ARHGAP6: variants seen among roughly 807,000 people sequenced by gnomAD.
ARHGAP6 encodes Rho GTPase activating protein 6.
ARHGAP6 carries 16 observed loss-of-function variants against 55.7 expected under a neutral mutation model. That is an observed-to-expected ratio of 0.29 (90% CI 0.19 to 0.44). The LOEUF (loss-of-function observed/expected upper bound fraction) is 0.44, where lower values mean the gene tolerates loss of function less well. Among genes scored for constraint, ARHGAP6 ranks in the 20% least tolerant of loss-of-function variants. ARHGAP6 has a pLI of 1.00. For missense variants in ARHGAP6, 698 were observed against 808.9 expected, an observed-to-expected ratio of 0.86 and a Z score of 1.66; for synonymous variants, 382 against 360.9, an observed-to-expected ratio of 1.06 and a Z score of -0.66.
intron 10 of ARHGAP6, among the ~76,000 whole-genome samples, chrX:11,147,684 T>A (rs749952830): frequency 0.023 from 2,599 of 112,807 alleles, 72 homozygotes; most frequent in African/African-American, 0.08. Flanking sequence ...AGGTAAAATC[T>A]ATAAAGTTCT....
At chrX:11,226,246 G>T (rs1199362568) in intron 2 of ARHGAP6, among the ~76,000 whole-genome samples, 1 of 107,487 alleles carries the variant, frequency 9.3e-6, no homozygotes, top group African/African-American at 3.4e-5. Context: ...TGCGGTGTTT[G>T]GTTTTCGTCC....
At chrX:11,270,431 T>C (rs1318946530) in intron 1 of ARHGAP6, among the ~76,000 whole-genome samples, 1 of 111,133 alleles carries the variant, frequency 9.0e-6, no homozygotes, top group Non-Finnish European at 1.9e-5. Context: ...GGCACCAGGA[T>C]GAAACAGAGA....
chrX:11,151,525 C>G (rs1328261897), intron 10 of ARHGAP6, among the ~76,000 whole-genome samples: 1 of 111,357 alleles, frequency 9.0e-6, no homozygotes, highest in African/African-American at 3.3e-5. Flanking sequence ...ATAAAAATCT[C>G]TTCTAATCCC....
chrX:11,397,418 C>T (rs1460781263), intron 1 of ARHGAP6, among the ~76,000 whole-genome samples: 1 of 110,780 alleles, frequency 9.0e-6, no homozygotes, highest in Non-Finnish European at 1.9e-5. Flanking sequence ...GTATGTATAT[C>T]AAAGACAGCA....
intron 2 of ARHGAP6, among the ~76,000 whole-genome samples, chrX:11,242,644 C>T (rs1480843028): frequency 1.8e-5 from 2 of 111,517 alleles, no homozygotes; most frequent in African/African-American, 3.3e-5. Context: ...TTCCAAATAT[C>T]GGGGCAGGGA....
chrX:11,590,877 A>AAGAAAAGAAAAG (rs1569411019), intron 1 of ARHGAP6, among the ~76,000 whole-genome samples: 1 of 67,321 alleles, frequency 1.5e-5, no homozygotes, highest in Admixed American at 1.6e-4. Flanking sequence ...AAGGAAAGAA[A>AAGAAAAGAAAAG]GAAAGAAAGA....
At chrX:11,178,068 T>C (rs1450765336) in intron 8 of ARHGAP6, 32 bp downstream of exon 8, 1 of 1,208,978 alleles carries the variant, frequency 8.3e-7, no homozygotes, top group South Asian at 1.8e-5. Flanking sequence ...AGAGGAAGAG[T>C]CACGGCATCT....
chrX:11,400,546 C>A (rs2049536691), intron 1 of ARHGAP6, among the ~76,000 whole-genome samples: 1 of 103,623 alleles, frequency 9.7e-6, no homozygotes, highest in Admixed American at 1.0e-4. Context: ...TTTACCTCTG[C>A]TTCAGGTGGA....
At chrX:11,651,003 T>C (rs1160344122) in intron 1 of ARHGAP6, among the ~76,000 whole-genome samples, 2 of 112,441 alleles carry the variant, frequency 1.8e-5, no homozygotes, top group Non-Finnish European at 3.8e-5. Flanking sequence ...CTTGCTGAAA[T>C]ATCTAGAGTA....
intron 1 of ARHGAP6, among the ~76,000 whole-genome samples, chrX:11,565,627 T>C (rs2051433296): frequency 8.9e-6 from 1 of 112,458 alleles, no homozygotes; most frequent in Non-Finnish European, 1.9e-5. Flanking sequence ...TCTGAGACCA[T>C]CAATGGTGCC....
intron 3 of ARHGAP6, 130 bp from the exon 4 acceptor site, chrX:11,189,114 C>T: frequency 1.2e-6 from 1 of 807,923 alleles, no homozygotes; most frequent in Non-Finnish European, 1.7e-6. Context: ...ACTCATCAAT[C>T]AAAAAGGTGA....
At chrX:11,580,159 C>T (rs1430611764) in intron 1 of ARHGAP6, among the ~76,000 whole-genome samples, 1 of 111,936 alleles carries the variant, frequency 8.9e-6, no homozygotes, top group African/African-American at 3.3e-5. Flanking sequence ...ACTAAACAAA[C>T]AAACAAACAA....
chrX:11,641,932 T>G (rs1364751059), intron 1 of ARHGAP6, among the ~76,000 whole-genome samples: 1 of 110,907 alleles, frequency 9.0e-6, no homozygotes, highest in African/African-American at 3.3e-5. Context: ...ATGTGTTTTC[T>G]CCCCATGGAA....
intron 1 of ARHGAP6, among the ~76,000 whole-genome samples, chrX:11,373,833 G>A (rs778760338): frequency 1.1e-4 from 12 of 111,751 alleles, no homozygotes; most frequent in African/African-American, 3.9e-4. Flanking sequence ...AAAACATGGT[G>A]TTTGTAGCCA....
At chrX:11,308,281 C>A (rs888237340) in intron 1 of ARHGAP6, among the ~76,000 whole-genome samples, 3 of 111,455 alleles carry the variant, frequency 2.7e-5, no homozygotes, top group Non-Finnish European at 3.8e-5. Context: ...GTGAACACTT[C>A]GGTAACAATC....
chrX:11,158,591 T>A (rs935300905), intron 9 of ARHGAP6, among the ~76,000 whole-genome samples: 1 of 112,620 alleles, frequency 8.9e-6, no homozygotes, highest in Non-Finnish European at 1.9e-5. Flanking sequence ...TCTATGTGGT[T>A]GTCAGAATGC....
At chrX:11,460,767 C>T (rs191604272) in intron 1 of ARHGAP6, among the ~76,000 whole-genome samples, 48 of 111,766 alleles carry the variant, frequency 4.3e-4, no homozygotes, top group African/African-American at 1.4e-3. Flanking sequence ...TACCTGGGTT[C>T]AAATCCCAGT....
At chrX:11,214,412 G>C (rs1216025197) in intron 2 of ARHGAP6, among the ~76,000 whole-genome samples, 1 of 112,583 alleles carries the variant, frequency 8.9e-6, no homozygotes, top group Non-Finnish European at 1.9e-5. Flanking sequence ...AGCACACAGG[G>C]CATGGGAGGG....
chrX:11,319,648 ATGC>A (rs1339457308), intron 1 of ARHGAP6, among the ~76,000 whole-genome samples: 1 of 112,608 alleles, frequency 8.9e-6, no homozygotes, highest in African/African-American at 3.2e-5. Flanking sequence ...AATAGATATT[ATGC>A]TGATTTCAAA....
Sources: allele counts gnomAD v4.1 joint callset (sites outside exome capture counted in the v4.1 genomes callset), GRCh38; gene constraint gnomAD v4.1.1; transcripts MANE v1.5; gene names NCBI Gene and HGNC (gene_info 2026-07-23, HGNC 2026-07-21).